NBAS: variants seen among roughly 807,000 people sequenced by gnomAD.
NBAS encodes NAG/BC035112 fusion.
In NBAS, 219 loss-of-function variants were observed where a neutral mutation model predicts 302.5. That is an observed-to-expected ratio of 0.72 (90% CI 0.65 to 0.81). The LOEUF (loss-of-function observed/expected upper bound fraction) is 0.81, where lower values mean the gene tolerates loss of function less well. Among genes scored for constraint, NBAS ranks in the 30% least tolerant of loss-of-function variants. The probability of loss-of-function intolerance (pLI) is 0.00; values close to 1 mark genes in which losing one functional copy is unlikely to be tolerated. For synonymous variants in NBAS, 1,118 were observed against 1,021.6 expected (o/e 1.09, Z -1.80); for missense variants, 2,932 against 2,841.6 (o/e 1.03, Z -0.72).
At chr2:15,290,083 G>A (rs1670236906) in intron 41 of NBAS, among the ~76,000 whole-genome samples, 1 of 148,630 alleles carries the variant, frequency 6.7e-6, no homozygotes, top group African/African-American at 2.5e-5. Context: ...AGGGGAGAGA[G>A]TAGAGGGGAG....
intron 21 of NBAS, among the ~76,000 whole-genome samples, chr2:15,446,074 T>G (rs528050969): frequency 6.7e-6 from 1 of 149,360 alleles, no homozygotes; most frequent in Non-Finnish European, 1.5e-5. Flanking sequence ...ATACATATAA[T>G]AGGAGTCCCA....
the NBAS span, among the ~76,000 whole-genome samples, chr2:14,985,774 C>T: frequency 6.6e-6 from 1 of 152,130 alleles, no homozygotes; most frequent in Non-Finnish European, 1.5e-5. Flanking sequence ...CTTTGAATTT[C>T]TGAATCCTTT....
chr2:15,210,225 T>C (rs1020064698), intron 48 of NBAS, among the ~76,000 whole-genome samples: 1 of 151,992 alleles, frequency 6.6e-6, no homozygotes, highest in East Asian at 1.9e-4. Context: ...AAACTACTCA[T>C]CTGACAAGGG....
chr2:15,392,124 A>G (rs1357944838), intron 28 of NBAS, among the ~76,000 whole-genome samples: 1 of 152,050 alleles, frequency 6.6e-6, no homozygotes, highest in Admixed American at 6.5e-5. Flanking sequence ...TGGTAACTAC[A>G]TGCATAAACA....
chr2:15,420,230 A>C (rs1677145707), intron 23 of NBAS, among the ~76,000 whole-genome samples: 1 of 152,214 alleles, frequency 6.6e-6, no homozygotes, highest in African/African-American at 2.4e-5. Context: ...ATATCACAGA[A>C]GCCGAAGAAG....
chr2:15,092,910 C>T, the NBAS span, among the ~76,000 whole-genome samples: 1 of 152,132 alleles, frequency 6.6e-6, no homozygotes, highest in African/African-American at 2.4e-5. Context: ...AGAAGCAAGA[C>T]AAATTCCATA....
the NBAS span, among the ~76,000 whole-genome samples, chr2:14,891,591 A>C: frequency 3.9e-5 from 6 of 152,180 alleles, no homozygotes; most frequent in Non-Finnish European, 7.3e-5. Context: ...TGGGAAATCT[A>C]TACTGTCATT....
chr2:15,539,758 T>C (rs1300084759), intron 6 of NBAS, among the ~76,000 whole-genome samples: 2 of 151,972 alleles, frequency 1.3e-5, no homozygotes, highest in Non-Finnish European at 2.9e-5. Context: ...AAAATAAAAA[T>C]TGCAACTTGA....
chr2:14,872,505 G>A, the NBAS span, among the ~76,000 whole-genome samples: 1 of 152,116 alleles, frequency 6.6e-6, no homozygotes, highest in African/African-American at 2.4e-5. Flanking sequence ...GTGGGTTATT[G>A]ATCTCACTGA....
chr2:14,959,517 C>T, the NBAS span, among the ~76,000 whole-genome samples: 1 of 152,228 alleles, frequency 6.6e-6, no homozygotes, highest in African/African-American at 2.4e-5. Context: ...TCCTTCCCAA[C>T]ATATCTAGAA....
chr2:15,492,034 A>G (rs1264390311), intron 11 of NBAS, among the ~76,000 whole-genome samples: 1 of 152,220 alleles, frequency 6.6e-6, no homozygotes, highest in Non-Finnish European at 1.5e-5. Flanking sequence ...CCTTAGTTTC[A>G]TTAGATGCCA....
chr2:14,790,672 A>G, the NBAS span, among the ~76,000 whole-genome samples: 1 of 137,636 alleles, frequency 7.3e-6, no homozygotes, highest in Non-Finnish European at 1.5e-5. Context: ...TTTTTTTGAG[A>G]CAGAGTTTCA....
Position 15,186,847 on chromosome 2 carries a change from T to G in NBAS, c.6606A>C (p.Thr2202=), listed in dbSNP as rs774767249. 6.2e-7 allele frequency: 1 copy of G among 1,614,060 alleles called. No individual in the cohort carries two copies. Among genetic ancestry groups the G allele is most frequent in the Non-Finnish European group, 8.5e-7 (1 of 1,179,966 alleles). ...ITNNPWVRLA[T]VMLTRCTMEN... ...CCATCGTACATCTGGTTAGCATCAC[T>G]GTAGCTAGTCTCACCCATGGATTAT... Residue 2202 remains threonine, a synonymous_variant, in exon 50 of 52, where the codon ACA becomes ACC. Transcript: ENST00000281513.
At chr2:14,997,124 G>C in the NBAS span, among the ~76,000 whole-genome samples, 1 of 152,088 alleles carries the variant, frequency 6.6e-6, no homozygotes, top group Non-Finnish European at 1.5e-5. Context: ...GGATAAAGGA[G>C]AAAACAACAG....
At chr2:15,275,441 C>A in intron 44 of NBAS, 43 bp downstream of exon 44, 1 of 1,569,362 alleles carries the variant, frequency 6.4e-7, no homozygotes, top group South Asian at 1.1e-5. Context: ...ATTTTCATTT[C>A]TTCTACTGTG....
At chr2:15,420,083 C>T (rs1303500024) in intron 23 of NBAS, among the ~76,000 whole-genome samples, 1 of 152,078 alleles carries the variant, frequency 6.6e-6, no homozygotes, top group Non-Finnish European at 1.5e-5. Flanking sequence ...CTAAATGGGT[C>T]ACAACTGCAG....
the NBAS span, among the ~76,000 whole-genome samples, chr2:14,861,561 C>T: frequency 1.3e-5 from 2 of 152,216 alleles, no homozygotes; most frequent in Non-Finnish European, 2.9e-5. Flanking sequence ...TTATTGCTTT[C>T]AAGGGTTGCA....
At chr2:15,392,956 C>T (rs1675681824) in intron 28 of NBAS, among the ~76,000 whole-genome samples, 1 of 151,784 alleles carries the variant, frequency 6.6e-6, no homozygotes, top group African/African-American at 2.4e-5. Flanking sequence ...AAACTAGGCC[C>T]CCATTTACAC....
At chr2:15,430,846 G>T (rs566607254) in intron 21 of NBAS, among the ~76,000 whole-genome samples, 1 of 151,612 alleles carries the variant, frequency 6.6e-6, no homozygotes, top group Admixed American at 6.6e-5. Context: ...TCGCTCGGTC[G>T]CCCAGTCTGG....
Sources: gnomAD v4.1 joint callset for allele counts (sites outside exome capture counted in the v4.1 genomes callset) on GRCh38, gnomAD v4.1.1 for gene constraint, MANE v1.5 for transcripts, NCBI Gene and HGNC (gene_info 2026-07-23, HGNC 2026-07-21) for gene names.